FNTB: variants seen among roughly 807,000 people sequenced by gnomAD.
FNTB encodes the protein protein farnesyltransferase subunit beta.
FNTB carries 27 observed loss-of-function variants against 59.4 expected under a neutral mutation model. That is an observed-to-expected ratio of 0.45 (90% CI 0.34 to 0.63). The LOEUF is 0.63. Among genes scored for constraint, FNTB ranks in the 20% least tolerant of loss-of-function variants. FNTB has a pLI of 0.02. For synonymous variants in FNTB, 230 were observed against 220.7 expected (o/e 1.04, Z -0.37); for missense variants, 449 against 559.6 (o/e 0.80, Z 1.99).
At chr14:64,989,127 A>G (rs1888076894) in intron 1 of FNTB, among the ~76,000 whole-genome samples, 1 of 152,060 alleles carries the variant, frequency 6.6e-6, no homozygotes, top group Non-Finnish European at 1.5e-5. Flanking sequence ...GCTTCCATTT[A>G]CTGATAGCTC....
chr14:65,033,245 CA>C (rs368760792), intron 7 of FNTB, among the ~76,000 whole-genome samples: 3 of 152,060 alleles, frequency 2.0e-5, no homozygotes, highest in African/African-American at 7.2e-5. Context: ...GAAAAAAATA[CA>C]AAAAAACCAT....
intron 9 of FNTB, 22 bp from the exon 10 acceptor site, chr14:65,053,216 C>G: frequency 7.4e-7 from 1 of 1,358,228 alleles, no homozygotes. Flanking sequence ...CGGGCCCTTA[C>G]TGACCCTTTG....
At chr14:65,039,727 T>G (rs1440814763) in intron 7 of FNTB, among the ~76,000 whole-genome samples, 9 of 152,272 alleles carry the variant, frequency 5.9e-5, no homozygotes, top group Non-Finnish European at 1.0e-4. Context: ...AAAAGAGGTT[T>G]ATTTGGCTCA....
chr14:65,059,800 A>G (rs1165024457), intron 11 of FNTB, among the ~76,000 whole-genome samples: 1 of 150,188 alleles, frequency 6.7e-6, no homozygotes, highest in Non-Finnish European at 1.5e-5. Flanking sequence ...ATATGATCTG[A>G]CAGCCTTACT....
intron 1 of FNTB, among the ~76,000 whole-genome samples, chr14:64,995,363 G>A (rs1027704221): frequency 6.6e-6 from 1 of 152,130 alleles, no homozygotes; most frequent in African/African-American, 2.4e-5. Context: ...AATTAGTAAT[G>A]TAGTTGTTTA....
chr14:65,015,774 AT>A, intron 4 of FNTB, 58 bp downstream of exon 4: 4 of 1,579,296 alleles, frequency 2.5e-6, no homozygotes, highest in Admixed American at 1.7e-5. Flanking sequence ...TGAGTTTGGG[AT>A]TTTGTTTTGT....
chr14:65,018,785 GGA>G (rs2061827699), intron 4 of FNTB, among the ~76,000 whole-genome samples: 1 of 148,454 alleles, frequency 6.7e-6, no homozygotes, highest in African/African-American at 2.5e-5. Flanking sequence ...ACTCCAGCCT[GGA>G]GGACAGAGTG....
chr14:65,010,595 A>G (rs1473531639), intron 2 of FNTB, among the ~76,000 whole-genome samples: 2 of 152,210 alleles, frequency 1.3e-5, no homozygotes, highest in Admixed American at 1.3e-4. Context: ...ATTTTCAGAT[A>G]CTTCAGTTTG....
rs1351532530 is a variant in FNTB, at chr14:65,023,927, C to T, written c.375-3526C>T. Among the ~76,000 whole-genome samples the T allele has an allele frequency of 6.6e-6, 1 of 151,992 alleles. No individual in the cohort carries two copies. Among genetic ancestry groups the T allele is most frequent in the Non-Finnish European group, 1.5e-5 (1 of 68,006 alleles). ...ACCAGCCTGGGCAACACAGTGAAAC[C>T]CTGACTCTACTAAAAAATACAAAAA... On this transcript the variant is annotated intron_variant, in intron 4 of 11. Coordinates refer to ENST00000246166, the MANE Select transcript of FNTB (RefSeq NM_002028.4). This position sits in a 1 kb window ranked among gnomAD's most constrained non-coding sequence, Gnocchi z 4.1.
chr14:65,008,623 T>C (rs957429077), intron 2 of FNTB, among the ~76,000 whole-genome samples: 2 of 152,114 alleles, frequency 1.3e-5, no homozygotes, highest in African/African-American at 2.4e-5. Flanking sequence ...GGAATAGGGG[T>C]GGCTAACTTA....
chr14:65,012,363 C>G lies in FNTB; in HGVS notation c.256C>G (p.Leu86Val). The G allele has an allele frequency of 1.2e-6, 2 of 1,614,144 alleles. 1 individual carries two copies. Among genetic ancestry groups the G allele is most frequent in the South Asian group, 2.2e-5 (2 of 91,076 alleles). Residue 86 changes from leucine to valine, a missense_variant, in exon 3 of 12, where the codon CTT becomes GTT. Leu to Val is a conservative substitution (Grantham distance 32). Transcript: ENST00000246166. This position sits in a 1 kb window ranked among gnomAD's most constrained non-coding sequence, Gnocchi z 5.0. ...EKHFHYLKRGLRQLTDAYECL... is the reference protein window; with the variant it reads ...EKHFHYLKRGVRQLTDAYECL... Reference sequence around the variant, plus strand: ...GCACTTCCATTATCTGAAAAGAGGCCTTCGACAACTGACAGATGCCTATGA... The same window carrying G: ...GCACTTCCATTATCTGAAAAGAGGCGTTCGACAACTGACAGATGCCTATGA...
chr14:65,015,791 TTTTG>T (rs1463997812), intron 4 of FNTB, 75 bp downstream of exon 4: 1 of 1,546,440 alleles, frequency 6.5e-7, no homozygotes, highest in Non-Finnish European at 8.9e-7. Context: ...TTTGTTTCTG[TTTTG>T]TTTGTTTGGA....
chr14:65,004,171 G>T, intron 1 of FNTB, 78 bp from the exon 2 acceptor site: 3 of 1,513,262 alleles, frequency 2.0e-6, no homozygotes, highest in Non-Finnish European at 2.7e-6. Context: ...ATAGGCATTT[G>T]TGGCAATAGG....
chr14:64,999,614 A>C (rs1888525863), intron 1 of FNTB, among the ~76,000 whole-genome samples: 1 of 152,188 alleles, frequency 6.6e-6, no homozygotes, highest in East Asian at 1.9e-4. Flanking sequence ...TAAATGAGTG[A>C]GTTGAATGGT....
In FNTB at chr14:65,044,682, G is replaced by A; in HGVS notation, c.955+239G>A. 2 of 605,744 alleles carry A rather than the reference G, an allele frequency of 3.3e-6. No individual in the cohort carries two copies. Among genetic ancestry groups the A allele is most frequent in the Non-Finnish European group, 5.2e-6 (2 of 383,158 alleles). 37.5% of individuals were successfully genotyped at this position (605,744 alleles called of 1,614,324 possible). ...TGGCTGCGACAGAATGAGCTTCCTT[G>A]AAATTGCTACGGGGAGCGGGGAGGA... is the stretch of plus-strand genomic sequence containing the variant. On this transcript the variant is annotated intron_variant, in intron 9 of 11. Coordinates refer to ENST00000246166, the MANE Select transcript of FNTB (RefSeq NM_002028.4). This position sits in a 1 kb window ranked among gnomAD's most constrained non-coding sequence, Gnocchi z 5.5.
chr14:65,006,156 CTTT>C (rs367570902), intron 2 of FNTB: 3,951 of 1,468,660 alleles, frequency 2.7e-3, no homozygotes, highest in Middle Eastern at 5.2e-3. Flanking sequence ...ACCTTTGTGT[CTTT>C]TTTTTTTTTT....
rs58654871 is a variant in FNTB, at chr14:64,989,272, CAAAAAAAAA to C, written c.144+2189_144+2197del. ...CAACATAGCAAGACCCTGTCTCTAC[CAAAAAAAAA>C]AAAAAAAAAAAAAGTAGCTGAGCGT... On this transcript the variant is annotated intron_variant, in intron 1 of 11. Coordinates refer to ENST00000246166, the MANE Select transcript of FNTB (RefSeq NM_002028.4). Among the ~76,000 whole-genome samples, 416 of 69,938 alleles carry C rather than the reference CAAAAAAAAA, an allele frequency of 5.9e-3. 5 individuals carry two copies. Among genetic ancestry groups the C allele is most frequent in the Non-Finnish European group, 9.1e-3 (307 of 33,880 alleles). 45.9% of individuals were successfully genotyped at this position (69,938 alleles called of 152,430 possible).
rs912926576 is a variant in FNTB, at chr14:65,059,054, ACT to A, written c.1183-2124_1183-2123del. ...TTTTCTTTTTCAGAGACATGATCTC[ACT>A]CTGTCACTCATGCTGGAGTACAGTG... On this transcript the variant is annotated intron_variant, in intron 11 of 11. Coordinates refer to ENST00000246166, the MANE Select transcript of FNTB (RefSeq NM_002028.4). 1.4e-4 allele frequency among the ~76,000 whole-genome samples: 21 copies of A among 151,992 alleles called. 1 individual carries two copies. Among genetic ancestry groups the A allele is most frequent in the Admixed American group, 1.2e-3 (19 of 15,248 alleles).
chr14:65,044,719 C>T lies in FNTB; in HGVS notation c.955+276C>T, dbSNP rs1314244240. On this transcript the variant is annotated intron_variant, in intron 9 of 11. Coordinates refer to ENST00000246166, the MANE Select transcript of FNTB (RefSeq NM_002028.4). The surrounding 1 kb of genome is among the most constrained non-coding windows in gnomAD (Gnocchi z 5.5). The stretch of plus-strand genomic sequence containing the variant: ...GGGAGCGGGGAGGAAGTGGGCGCTG[C>T]TTCTGCGTTATCTGGAAGGAGCAGC... The T allele has an allele frequency of 4.4e-6, 2 of 458,010 alleles. No homozygotes were observed. The allele number at this position is 458,010 out of a possible 1,614,324, so 28.4% of individuals were successfully genotyped here.
Sources: allele counts gnomAD v4.1 joint callset (sites outside exome capture counted in the v4.1 genomes callset), GRCh38; gene constraint gnomAD v4.1.1; non-coding constraint Gnocchi (gnomAD v3.1); transcripts MANE v1.5; gene names NCBI Gene and HGNC (gene_info 2026-07-23, HGNC 2026-07-21).